CNNM1: variants seen among roughly 807,000 people sequenced by gnomAD.
The protein encoded by CNNM1 is cyclin and CBS domain divalent metal cation transport mediator 1.
CNNM1 carries 44 observed loss-of-function variants against 78.8 expected under a neutral mutation model. That is an observed-to-expected ratio of 0.56 (90% CI 0.44 to 0.72). The LOEUF is 0.72. Ranked by LOEUF, CNNM1 falls within the 30% of genes least tolerant of loss-of-function variation. The pLI, the probability that CNNM1 is intolerant of heterozygous loss-of-function variation, is 0.00. For missense variants in CNNM1, 1,101 were observed against 1,292.2 expected (o/e 0.85, Z 2.27); for synonymous variants, 584 against 581.5 (o/e 1.00, Z -0.06).
Position 99,392,815 on chromosome 10 carries a change from A to AC in CNNM1, c.*1303dup, listed in dbSNP as rs34034692. ...AGACCAGCCTGGCCAACATGGTGAA[A>AC]CCCCATCTCTCCTGGGCATGTAGTC... On this transcript the variant is annotated 3_prime_UTR_variant, in exon 11 of 11. Transcript: ENST00000356713. The AC allele has an allele frequency of 0.57, 86,888 of 151,812 alleles. 27,033 individuals carry two copies. The highest frequency in any genetic ancestry group is 0.7 in the Non-Finnish European group (47,705 of 68,056). The allele number at this position is 151,812 out of a possible 1,614,324, so 9.4% of individuals were successfully genotyped here.
At chr10:99,364,837 A>C in intron 5 of CNNM1, 118 bp from the exon 6 acceptor site, 1 of 945,618 alleles carries the variant, frequency 1.1e-6, no homozygotes, top group Non-Finnish European at 1.6e-6. Context: ...CCTTCCATTT[A>C]ATTGCCTGGT....
At chr10:99,363,640 C>T (rs533393925) in intron 4 of CNNM1, among the ~76,000 whole-genome samples, 1 of 151,058 alleles carries the variant, frequency 6.6e-6, no homozygotes, top group East Asian at 1.9e-4. Context: ...ATGCAGTGCA[C>T]ATAATACAGT....
chr10:99,334,863 C>T (rs978995692), intron 1 of CNNM1, among the ~76,000 whole-genome samples: 7 of 152,204 alleles, frequency 4.6e-5, no homozygotes, highest in African/African-American at 1.2e-4. Flanking sequence ...CCTTTACATA[C>T]TCAGAACAAC....
intron 1 of CNNM1, 48 bp downstream of exon 1, chr10:99,331,008 T>C (rs954920649): frequency 2.6e-6 from 4 of 1,532,694 alleles, no homozygotes; most frequent in African/African-American, 2.7e-5. Context: ...CCTTCAAAGG[T>C]ATTATCCTTT....
At chr10:99,354,032 G>T (rs2031040793) in intron 1 of CNNM1, among the ~76,000 whole-genome samples, 1 of 152,112 alleles carries the variant, frequency 6.6e-6, no homozygotes, top group African/African-American at 2.4e-5. Flanking sequence ...AGGGAGTATG[G>T]CTGTATTATA....
chr10:99,380,433 G>A (rs2032104350), intron 7 of CNNM1, among the ~76,000 whole-genome samples: 1 of 152,086 alleles, frequency 6.6e-6, no homozygotes, highest in African/African-American at 2.4e-5. Flanking sequence ...GATGGATTTG[G>A]CAACTCCTCA....
intron 1 of CNNM1, among the ~76,000 whole-genome samples, chr10:99,349,093 G>A (rs2030828536): frequency 6.6e-6 from 1 of 152,094 alleles, no homozygotes. Flanking sequence ...AGAAACCTAT[G>A]TTCAGATATA....
chr10:99,389,152 A>G (rs1462054495), intron 9 of CNNM1, among the ~76,000 whole-genome samples: 1 of 152,184 alleles, frequency 6.6e-6, no homozygotes, highest in African/African-American at 2.4e-5. Flanking sequence ...ACGGTGGCTC[A>G]TGCCTGTAAT....
chr10:99,343,103 C>T (rs1025484982), intron 1 of CNNM1, among the ~76,000 whole-genome samples: 1 of 152,068 alleles, frequency 6.6e-6, no homozygotes, highest in African/African-American at 2.4e-5. Context: ...GCTGGGATTA[C>T]AGGCGCCTGC....
intron 1 of CNNM1, among the ~76,000 whole-genome samples, chr10:99,338,873 T>C (rs1042717194): frequency 5.3e-5 from 8 of 152,196 alleles, no homozygotes; most frequent in African/African-American, 1.7e-4. Context: ...TAGGGTGGTA[T>C]TTTTGCTATA....
Position 99,377,117 on chromosome 10 carries a change from A to C in CNNM1, c.2239A>C (p.Ser747Arg). 6.2e-7 allele frequency: 1 copy of C among 1,608,946 alleles called. No homozygotes were observed. Among genetic ancestry groups the C allele is most frequent in the South Asian group, 1.1e-5 (1 of 89,784 alleles). ...CTCTGAGTCTCCAAACCGAGAGCGCAGTGACTTTGGGGGCAGCAACACCCA... is the reference window on the plus strand; with the variant it reads ...CTCTGAGTCTCCAAACCGAGAGCGCCGTGACTTTGGGGGCAGCAACACCCA... Reference protein sequence around the residue: ...NRSESPNRERSDFGGSNTQLY... With the variant: ...NRSESPNRERRDFGGSNTQLY... The change falls in exon 7 of 11, where the codon AGT (serine) becomes CGT (arginine). Residue 747 changes from serine to arginine, a missense_variant. Physicochemically the swap from Ser to Arg is moderately radical, Grantham distance 110. This residue lies in a region of CNNM1 where 348 missense variants were observed against 384.5 expected (regional missense o/e 0.90). Coordinates refer to ENST00000356713, the MANE Select transcript of CNNM1 (RefSeq NM_020348.3).
intron 6 of CNNM1, chr10:99,368,433 A>C (rs1055579757): frequency 2.9e-6 from 1 of 344,684 alleles, no homozygotes; most frequent in African/African-American, 2.1e-5. Context: ...GTCTTTCTGG[A>C]GTGTGACTTT....
chr10:99,346,484 G>T (rs1436085307), intron 1 of CNNM1, among the ~76,000 whole-genome samples: 4 of 152,098 alleles, frequency 2.6e-5, no homozygotes, highest in Non-Finnish European at 4.4e-5. Context: ...GCATTTCTAT[G>T]ACCTCTAAAT....
At chr10:99,369,490 C>T (rs1179951053) in intron 6 of CNNM1, among the ~76,000 whole-genome samples, 2 of 152,126 alleles carry the variant, frequency 1.3e-5, no homozygotes, top group East Asian at 1.9e-4. Context: ...ATCGAGAAAT[C>T]GCTTATGTTT....
At chr10:99,334,846 G>A (rs1181528231) in intron 1 of CNNM1, among the ~76,000 whole-genome samples, 1 of 152,166 alleles carries the variant, frequency 6.6e-6, no homozygotes, top group East Asian at 1.9e-4. Context: ...CAGGCACCAT[G>A]CCAGGCCCTT....
chr10:99,334,669 A>C (rs2030087899), intron 1 of CNNM1, among the ~76,000 whole-genome samples: 2 of 152,314 alleles, frequency 1.3e-5, no homozygotes, highest in South Asian at 4.1e-4. Flanking sequence ...TAAATAAATA[A>C]GAAAAAAATA....
chr10:99,337,423 G>C (rs1284284488), intron 1 of CNNM1, among the ~76,000 whole-genome samples: 2 of 152,176 alleles, frequency 1.3e-5, no homozygotes, highest in African/African-American at 4.8e-5. Context: ...CTCCAGCAAT[G>C]CTGAACTCTG....
At chr10:99,387,211 C>A (rs925026764) in intron 7 of CNNM1, among the ~76,000 whole-genome samples, 1 of 152,168 alleles carries the variant, frequency 6.6e-6, no homozygotes, top group Non-Finnish European at 1.5e-5. Flanking sequence ...CTCCGGATGC[C>A]TTCAGTTGTG....
chr10:99,364,991 C>T lies in CNNM1; in HGVS notation c.2165C>T (p.Ser722Phe). ...DVRKVGSLAG[S>F]SVFLNRSPSR... ...CGGAAGGTTGGAAGTCTGGCTGGAT[C>T]TTCTGTCTTTCGTATGTATCTCTCA... Residue 722 changes from serine to phenylalanine, a missense_variant, in exon 6 of 11, where the codon TCT becomes TTT. Coordinates refer to ENST00000356713, the MANE Select transcript of CNNM1 (RefSeq NM_020348.3). The T allele has an allele frequency of 6.2e-7, 1 of 1,613,912 alleles. No individual in the cohort carries two copies. Among genetic ancestry groups the T allele is most frequent in the Non-Finnish European group, 8.5e-7 (1 of 1,179,864 alleles).
Sources: allele counts gnomAD v4.1 joint callset (sites outside exome capture counted in the v4.1 genomes callset), GRCh38; gene constraint gnomAD v4.1.1; regional missense constraint gnomAD v4.1.1; transcripts MANE v1.5; gene names NCBI Gene and HGNC (gene_info 2026-07-23, HGNC 2026-07-21).